The following RPS6KA5 variants were observed in gnomAD, a reference collection of about 807,000 sequenced individuals.
RPS6KA5 encodes ribosomal protein S6 kinase alpha-5.
A neutral mutation model predicts 85.5 loss-of-function variants in RPS6KA5; 27 were observed. That is an observed-to-expected ratio of 0.32 (90% confidence interval 0.23 to 0.44). The LOEUF (loss-of-function observed/expected upper bound fraction) is 0.44. RPS6KA5 is among the 20% of genes least tolerant of loss of function. The probability of loss-of-function intolerance (pLI) is 1.00; values close to 1 mark genes in which losing one functional copy is unlikely to be tolerated. For synonymous variants in RPS6KA5, 334 were observed against 348.2 expected, an observed-to-expected ratio of 0.96 and a Z score of 0.46; for missense variants, 811 against 980.9, an observed-to-expected ratio of 0.83 and a Z score of 2.31.
intron 7 of RPS6KA5, among the ~76,000 whole-genome samples, chr14:90,915,686 A>C (rs2036082393): frequency 6.6e-6 from 1 of 152,020 alleles, no homozygotes; most frequent in East Asian, 1.9e-4. Context: ...ATGTGCCTGT[A>C]ATCGAGCAAC....
In RPS6KA5 at chr14:90,860,954, C is replaced by G. The variant is rs926268816; in HGVS notation, c.*11120G>C. On this transcript the variant is annotated 3_prime_UTR_variant, in exon 17 of 17. Coordinates refer to ENST00000614987, the MANE Select transcript of RPS6KA5 (RefSeq NM_004755.4). ...TTGCCCAATCTGGAGTGCAATGGTG[C>G]GACCTTGGCTCACTGCAACCTCCCT... 5 of 144,680 alleles carry G rather than the reference C, an allele frequency of 3.5e-5. No homozygotes were observed. The highest frequency in any genetic ancestry group is 1.3e-4 in the African/African-American group (5 of 38,596). The allele number at this position is 144,680 out of a possible 1,614,324, so 9.0% of individuals were successfully genotyped here.
chr14:91,046,853 T>C (rs1190107199), intron 1 of RPS6KA5, among the ~76,000 whole-genome samples: 1 of 151,996 alleles, frequency 6.6e-6, no homozygotes, highest in Non-Finnish European at 1.5e-5. Context: ...AAAAATAGCA[T>C]GAACACCATA....
chr14:90,999,163 G>A (rs992698599), intron 2 of RPS6KA5, among the ~76,000 whole-genome samples: 1 of 152,028 alleles, frequency 6.6e-6, no homozygotes, highest in Non-Finnish European at 1.5e-5. Context: ...AGCCAAGATC[G>A]AGTCACTACA....
chr14:90,989,161 C>T (rs1222209724), intron 2 of RPS6KA5, among the ~76,000 whole-genome samples: 1 of 152,004 alleles, frequency 6.6e-6, no homozygotes, highest in Non-Finnish European at 1.5e-5. Flanking sequence ...TAGTAATTGG[C>T]AATTCATATC....
At chr14:91,044,208 CAA>C (rs1318622911) in intron 1 of RPS6KA5, among the ~76,000 whole-genome samples, 1 of 137,592 alleles carries the variant, frequency 7.3e-6, no homozygotes, top group Non-Finnish European at 1.5e-5. Context: ...GCCTGGGCAA[CAA>C]GAGTAAAACG....
intron 13 of RPS6KA5, chr14:90,894,024 A>G: frequency 1.1e-6 from 1 of 907,422 alleles, no homozygotes; most frequent in African/African-American, 1.8e-5. Context: ...CAATTTGATT[A>G]CAAATGTAAA....
chr14:91,036,415 T>C (rs979944699), intron 1 of RPS6KA5, among the ~76,000 whole-genome samples: 4 of 152,218 alleles, frequency 2.6e-5, no homozygotes, highest in African/African-American at 9.6e-5. Context: ...CTAAGTCCTT[T>C]ATTTGTAACA....
At chr14:90,994,229 A>G (rs1019659370) in intron 2 of RPS6KA5, among the ~76,000 whole-genome samples, 2 of 151,966 alleles carry the variant, frequency 1.3e-5, no homozygotes, top group African/African-American at 4.8e-5. Flanking sequence ...TCTCCATTCT[A>G]TATTCTGCAT....
chr14:90,873,340 A>G (rs2033241224), intron 16 of RPS6KA5, among the ~76,000 whole-genome samples: 1 of 152,200 alleles, frequency 6.6e-6, no homozygotes, highest in Admixed American at 6.5e-5. Flanking sequence ...GTTTTTAAAG[A>G]AATTTAGTCA....
chr14:90,983,331 T>C (rs1275220158), intron 2 of RPS6KA5, among the ~76,000 whole-genome samples: 1 of 148,828 alleles, frequency 6.7e-6, no homozygotes, highest in African/African-American at 2.5e-5. Flanking sequence ...ATGGGCACAG[T>C]GGCTCATGTT....
intron 1 of RPS6KA5, among the ~76,000 whole-genome samples, chr14:91,030,770 C>CA (rs1461882120): frequency 3.3e-5 from 5 of 150,646 alleles, no homozygotes; most frequent in East Asian, 1.9e-4. Context: ...AGAAATAAAA[C>CA]AAAAAATCAA....
Position 90,875,766 on chromosome 14 carries a change from G to C in RPS6KA5, c.1837-406C>G, listed in dbSNP as rs954189036. 4.0e-5 allele frequency among the ~76,000 whole-genome samples: 6 copies of C among 151,188 alleles called. No homozygotes were observed. The South Asian group carries it at 1.3e-3, about 32-fold the overall frequency. ...TGTCCTTTGTAGGGACATGGATGAA[G>C]CTGGAAACCATCATTCTCAGCAAAC... On this transcript the variant is annotated intron_variant, in intron 14 of 16. Transcript: ENST00000614987.
At position 90,899,370 on chromosome 14, in the gene RPS6KA5, G is replaced by T; in HGVS notation, c.1432C>A (p.His478Asn). The T allele has an allele frequency of 6.2e-7, 1 of 1,612,730 alleles. No homozygotes were observed. The change falls in exon 12 of 17, where the codon CAC becomes AAC. Residue 478 changes from histidine to asparagine, a missense_variant. Coordinates refer to ENST00000614987, the MANE Select transcript of RPS6KA5 (RefSeq NM_004755.4). ...EITALKLCEG[H>N]PNIVKLHEVF... Reference sequence around the variant, plus strand: ...TCATGCAACTTCACAATATTGGGGTGTCCTTCACAGAGTTTCAGAGCTGTT... The same window carrying T: ...TCATGCAACTTCACAATATTGGGGTTTCCTTCACAGAGTTTCAGAGCTGTT...
intron 1 of RPS6KA5, among the ~76,000 whole-genome samples, chr14:91,043,733 G>A (rs547460273): frequency 3.9e-5 from 6 of 152,138 alleles, no homozygotes; most frequent in South Asian, 4.2e-4. Context: ...TATCTTTTCT[G>A]CCCACCCCGA....
At chr14:90,872,358 A>C (rs1354590038) in intron 16 of RPS6KA5, 36 bp from the exon 17 acceptor site, 1 of 1,571,024 alleles carries the variant, frequency 6.4e-7, no homozygotes, top group Admixed American at 2.0e-5. Context: ...CTGTGAAGGT[A>C]AAAGTACTGA....
intron 5 of RPS6KA5, among the ~76,000 whole-genome samples, chr14:90,931,389 GA>G (rs1407663286): frequency 1.3e-5 from 2 of 151,886 alleles, no homozygotes; most frequent in Admixed American, 1.3e-4. Flanking sequence ...GGGGACGGGG[GA>G]AAAGGTATAG....
rs1320607929 is a variant in RPS6KA5, at chr14:91,060,624, G to T, written c.-190C>A. The T allele has an allele frequency of 9.1e-6, 7 of 766,802 alleles. No homozygotes were observed. The highest frequency in any genetic ancestry group is 1.2e-5 in the Non-Finnish European group (7 of 563,972). 47.5% of individuals were successfully genotyped at this position (766,802 alleles called of 1,614,324 possible). ...GCTCCTCGCCTCCTCCCCCTTCGGC[G>T]GGCACCGCTAGTACCGCGCAACCAA... On this transcript the variant is annotated 5_prime_UTR_variant, in exon 1 of 17. Coordinates refer to ENST00000614987, the MANE Select transcript of RPS6KA5 (RefSeq NM_004755.4).
intron 7 of RPS6KA5, among the ~76,000 whole-genome samples, chr14:90,915,176 T>G (rs2036045444): frequency 6.6e-6 from 1 of 152,178 alleles, no homozygotes; most frequent in Admixed American, 6.5e-5. Flanking sequence ...TATCTCAAAA[T>G]TAATTACCTA....
chr14:90,952,693 G>A (rs1168821068), intron 3 of RPS6KA5, among the ~76,000 whole-genome samples: 1 of 152,370 alleles, frequency 6.6e-6, no homozygotes, highest in South Asian at 2.1e-4. Context: ...GCATGCAAAT[G>A]CAGTGCGATT....
Sources: gnomAD v4.1 joint callset for allele counts (sites outside exome capture counted in the v4.1 genomes callset) on GRCh38, gnomAD v4.1.1 for gene constraint, MANE v1.5 for transcripts, NCBI Gene and HGNC (gene_info 2026-07-23, HGNC 2026-07-21) for gene names.